Variants in SLC28A1 observed in about 807,000 individuals in gnomAD.
SLC28A1 encodes sodium/nucleoside cotransporter 1.
SLC28A1 carries 64 observed loss-of-function variants against 74.8 expected under a neutral mutation model. That is an observed-to-expected ratio of 0.86 (90% CI 0.70 to 1.05). SLC28A1 has a LOEUF of 1.05. SLC28A1 is among the 50% of genes least tolerant of loss of function. The pLI is 0.00. For missense variants in SLC28A1, 828 were observed against 822.8 expected (o/e 1.01, Z -0.08); for synonymous variants, 359 against 335.0 (o/e 1.07, Z -0.78).
At chr15:84,936,728 G>A (rs911437061) in intron 15 of SLC28A1, among the ~76,000 whole-genome samples, 2 of 152,174 alleles carry the variant, frequency 1.3e-5, no homozygotes, top group Admixed American at 1.3e-4. Context: ...AATAGTTATT[G>A]TTGTTTCTTA....
intron 6 of SLC28A1, among the ~76,000 whole-genome samples, chr15:84,903,662 G>T (rs1966847141): frequency 6.6e-6 from 1 of 152,196 alleles, no homozygotes; most frequent in Non-Finnish European, 1.5e-5. Flanking sequence ...GCATTTTGCA[G>T]TCATGGCTGG....
At chr15:84,969,005 G>T in the SLC28A1 span, among the ~76,000 whole-genome samples, 2 of 152,186 alleles carry the variant, frequency 1.3e-5, no homozygotes, top group African/African-American at 2.4e-5. Context: ...TAGGATCCAA[G>T]AACAGGCACT....
At chr15:84,949,491 TCCTCCCACCTCAG>T (rs986885378), downstream of SLC28A1, among the ~76,000 whole-genome samples, 6 of 151,094 alleles carry the variant, frequency 4.0e-5, no homozygotes, top group South Asian at 2.1e-4. Context: ...GCTCAAGGGG[TCCTCCCACCTCAG>T]CCTCCCACCT....
chr15:84,926,559 G>C (rs868142811), intron 12 of SLC28A1: 2 of 454,160 alleles, frequency 4.4e-6, no homozygotes, highest in African/African-American at 4.0e-5. Flanking sequence ...TTGTGATATA[G>C]GGATATTCTC....
chr15:84,973,401 C>T, the SLC28A1 span, among the ~76,000 whole-genome samples: 1 of 152,346 alleles, frequency 6.6e-6, no homozygotes, highest in African/African-American at 2.4e-5. Flanking sequence ...CGGGGCTCAA[C>T]CATTGACATC....
intron 12 of SLC28A1, among the ~76,000 whole-genome samples, chr15:84,924,901 T>C (rs1447430853): frequency 6.9e-6 from 1 of 144,924 alleles, no homozygotes; most frequent in South Asian, 2.3e-4. Context: ...TTATTAATTT[T>C]TTTTGTTTGT....
At chr15:84,932,773 A>G (rs1971470699) in intron 12 of SLC28A1, among the ~76,000 whole-genome samples, 1 of 152,220 alleles carries the variant, frequency 6.6e-6, no homozygotes, top group Admixed American at 6.5e-5. Flanking sequence ...GTGACAGCCT[A>G]AAAAGGAAGA....
At chr15:84,947,810 G>C (rs1298330295), downstream of SLC28A1, among the ~76,000 whole-genome samples, 1 of 152,122 alleles carries the variant, frequency 6.6e-6, no homozygotes, top group East Asian at 1.9e-4. Flanking sequence ...TCACCTTGGG[G>C]GCTAGGATTT....
chr15:84,903,481 G>A (rs185710297), intron 6 of SLC28A1, among the ~76,000 whole-genome samples: 441 of 152,346 alleles, frequency 2.9e-3, no homozygotes, highest in Non-Finnish European at 4.9e-3. Flanking sequence ...CCGGATTGGG[G>A]TGAGATCTTG....
At chr15:84,892,117 T>TA (rs1368444271) in intron 5 of SLC28A1, among the ~76,000 whole-genome samples, 1 of 151,900 alleles carries the variant, frequency 6.6e-6, no homozygotes, top group Non-Finnish European at 1.5e-5. Context: ...TGGGAGGCTG[T>TA]AGTGGGAGGA....
intron 8 of SLC28A1, among the ~76,000 whole-genome samples, chr15:84,906,532 C>G (rs28872187): frequency 3.5e-3 from 21 of 6,086 alleles, no homozygotes; most frequent in African/African-American, 9.0e-3. Context: ...TTGTTTGTTT[C>G]TTTCTTTCTT....
intron 9 of SLC28A1, among the ~76,000 whole-genome samples, chr15:84,918,077 C>G (rs912192507): frequency 6.6e-6 from 1 of 151,968 alleles, no homozygotes; most frequent in Non-Finnish European, 1.5e-5. Context: ...TCATTCAGGC[C>G]CAAAGCATGA....
At chr15:84,965,015 C>A in the SLC28A1 span, among the ~76,000 whole-genome samples, 2 of 151,384 alleles carry the variant, frequency 1.3e-5, no homozygotes, top group African/African-American at 4.9e-5. Flanking sequence ...AGTGCTTGGA[C>A]CTTGATATGG....
intron 11 of SLC28A1, among the ~76,000 whole-genome samples, chr15:84,921,684 G>C (rs1001384779): frequency 6.6e-6 from 1 of 152,206 alleles, no homozygotes; most frequent in Non-Finnish European, 1.5e-5. Context: ...TCACTGGACA[G>C]TTTAGGAAAC....
the SLC28A1 span, among the ~76,000 whole-genome samples, chr15:84,960,027 T>A: frequency 6.6e-6 from 1 of 152,090 alleles, no homozygotes; most frequent in Non-Finnish European, 1.5e-5. Context: ...TACCTATAAA[T>A]CTATTTTCTG....
At chr15:84,885,996 A>G (rs754099378) in intron 1 of SLC28A1, 11 of 292,772 alleles carry the variant, frequency 3.8e-5, no homozygotes, top group South Asian at 2.6e-4. Context: ...TTTATGCATC[A>G]TAGAGGATTT....
At chr15:84,911,118 G>A (rs980190959) in intron 9 of SLC28A1, among the ~76,000 whole-genome samples, 6 of 152,270 alleles carry the variant, frequency 3.9e-5, no homozygotes, top group East Asian at 3.9e-4. Flanking sequence ...GCTGCTGTCC[G>A]CCAGAGCGCC....
chr15:84,965,900 G>GT, the SLC28A1 span, among the ~76,000 whole-genome samples: 1 of 149,714 alleles, frequency 6.7e-6, no homozygotes, highest in African/African-American at 2.5e-5. Context: ...GAGGGAGGCG[G>GT]GGAGGGGGGG....
chr15:84,905,150 G>A (rs1158143144), intron 7 of SLC28A1, among the ~76,000 whole-genome samples: 2 of 152,188 alleles, frequency 1.3e-5, no homozygotes, highest in Non-Finnish European at 2.9e-5. Flanking sequence ...GATTGGAGAC[G>A]GTCAGGCAGA....
Sources: gnomAD v4.1 joint callset for allele counts (sites outside exome capture counted in the v4.1 genomes callset) on GRCh38, gnomAD v4.1.1 for gene constraint, MANE v1.5 for transcripts, NCBI Gene and HGNC (gene_info 2026-07-23, HGNC 2026-07-21) for gene names.